The following SUGCT variants were observed in gnomAD, a reference collection of about 807,000 sequenced individuals.
SUGCT encodes succinyl-CoA:glutarate-CoA transferase, also known as succinyl-CoA:glutarate CoA-transferase.
In SUGCT, 41 loss-of-function variants were observed where a neutral mutation model predicts 55.0. The ratio of observed to expected loss-of-function variants is 0.74; its 90% confidence interval spans 0.58 to 0.97. The LOEUF (loss-of-function observed/expected upper bound fraction) is 0.97, where lower values mean the gene tolerates loss of function less well. Ranked by LOEUF, SUGCT falls within the 50% of genes least tolerant of loss-of-function variation. The pLI, the probability that SUGCT is intolerant of heterozygous loss-of-function variation, is 0.00. For missense variants in SUGCT, 568 were observed against 547.8 expected (o/e 1.04, Z -0.37); for synonymous variants, 187 against 200.4 (o/e 0.93, Z 0.56).
downstream of SUGCT, among the ~76,000 whole-genome samples, chr7:40,863,601 T>C (rs748098853): frequency 3.3e-5 from 5 of 152,262 alleles, no homozygotes; most frequent in South Asian, 2.1e-4. Context: ...TGACTCTCAA[T>C]TGGCAAAGGA....
chr7:40,768,381 C>T (rs1243755217), intron 13 of SUGCT, among the ~76,000 whole-genome samples: 2 of 152,078 alleles, frequency 1.3e-5, no homozygotes, highest in Non-Finnish European at 2.9e-5. Context: ...CTCAATGGCA[C>T]CATGGACTCT....
chr7:40,905,046 A>G, the SUGCT span, among the ~76,000 whole-genome samples: 1 of 152,194 alleles, frequency 6.6e-6, no homozygotes, highest in Non-Finnish European at 1.5e-5. Flanking sequence ...ATGGAGTGAG[A>G]TGTTCAATTC....
chr7:40,188,461 C>CCCAAA lies in SUGCT; in HGVS notation c.227-33_227-29dup, dbSNP rs764513898. The CCCAAA allele has an allele frequency of 8.3e-6, 11 of 1,329,698 alleles. No individual in the cohort carries two copies. The Admixed American group carries it at 1.1e-4, about 14-fold the overall frequency. 82.4% of individuals were successfully genotyped at this position (1,329,698 alleles called of 1,614,324 possible). A position where few individuals can be genotyped will look rare whatever the true frequency, so the allele number is the denominator to read the frequency against. ...AAAAAAAAAAAAAAAAAAAACAAAC[C>CCCAAA]CCAAAGATTAATAGCTCATGTTATT... On this transcript the variant is annotated intron_variant, in intron 3 of 13. Coordinates refer to ENST00000335693, the MANE Select transcript of SUGCT (RefSeq NM_001193313.2).
chr7:40,191,264 G>A lies in SUGCT; in HGVS notation c.363+1670G>A, dbSNP rs148252239. 2.7e-3 allele frequency among the ~76,000 whole-genome samples: 408 copies of A among 152,082 alleles called. 2 individuals carry two copies. The highest frequency in any genetic ancestry group is 9.4e-3 in the African/African-American group (389 of 41,502). ...ACTCCTAACCTCAGGTGATCCACCC[G>A]CCTCGGCCTCTCAAAGTGCTGGGAT... On this transcript the variant is annotated intron_variant, in intron 5 of 13. Transcript: ENST00000335693.
intron 12 of SUGCT, among the ~76,000 whole-genome samples, chr7:40,551,183 A>G (rs1795279817): frequency 6.6e-6 from 1 of 152,158 alleles, no homozygotes; most frequent in South Asian, 2.1e-4. Flanking sequence ...ATGGATTACA[A>G]ACTTCTTGTT....
intron 12 of SUGCT, among the ~76,000 whole-genome samples, chr7:40,690,555 GAT>G (rs1425345583): frequency 6.6e-6 from 1 of 151,866 alleles, no homozygotes; most frequent in East Asian, 1.9e-4. Flanking sequence ...GATATAGAGA[GAT>G]CAATTCATCC....
chr7:40,717,793 T>A (rs960131741), intron 12 of SUGCT, among the ~76,000 whole-genome samples: 6 of 152,082 alleles, frequency 3.9e-5, no homozygotes, highest in Non-Finnish European at 8.8e-5. Context: ...GGTTCCAGGA[T>A]TTTTTCTAAG....
chr7:40,644,025 G>A (rs551198262), intron 12 of SUGCT, among the ~76,000 whole-genome samples: 1 of 152,248 alleles, frequency 6.6e-6, no homozygotes, highest in African/African-American at 2.4e-5. Flanking sequence ...GTGCGGGAAG[G>A]TAGGAAGTCT....
intron 9 of SUGCT, among the ~76,000 whole-genome samples, chr7:40,365,354 A>G (rs1467944936): frequency 2.6e-5 from 4 of 151,868 alleles, no homozygotes; most frequent in African/African-American, 9.7e-5. Context: ...AACTGGCACA[A>G]GACAGGGATG....
At chr7:40,596,092 G>T (rs1797996454) in intron 12 of SUGCT, among the ~76,000 whole-genome samples, 1 of 152,104 alleles carries the variant, frequency 6.6e-6, no homozygotes, top group Admixed American at 6.6e-5. Context: ...TCAAACTAGA[G>T]AATCCCACAG....
chr7:41,007,578 C>T, the SUGCT span, among the ~76,000 whole-genome samples: 1 of 152,114 alleles, frequency 6.6e-6, no homozygotes, highest in Admixed American at 6.5e-5. Flanking sequence ...GACCTAGTCA[C>T]CAATGCCAGA....
At chr7:40,632,981 C>T (rs1187823565) in intron 12 of SUGCT, among the ~76,000 whole-genome samples, 4 of 152,176 alleles carry the variant, frequency 2.6e-5, no homozygotes, top group Non-Finnish European at 5.9e-5. Flanking sequence ...TCTTGAGCTT[C>T]TAGTGGTACC....
In SUGCT at chr7:40,274,665, C is replaced by A. The variant is rs773964757; in HGVS notation, c.720+9C>A. ...ACCTACTGTCATCCCAGGTAACAATCCAACTAACATTTCAGATAATGTTAT... is the reference window on the plus strand; with the variant it reads ...ACCTACTGTCATCCCAGGTAACAATACAACTAACATTTCAGATAATGTTAT... On this transcript the variant is annotated intron_variant, in intron 8 of 13. Transcript: ENST00000335693. 2 of 1,612,186 alleles carry A rather than the reference C, an allele frequency of 1.2e-6. No individual in the cohort carries two copies. The highest frequency in any genetic ancestry group is 1.3e-5 in the African/African-American group (1 of 74,886).
intron 13 of SUGCT, among the ~76,000 whole-genome samples, chr7:40,805,221 TCCAAC>T (rs558850160): frequency 5.9e-5 from 9 of 152,120 alleles, no homozygotes; most frequent in Non-Finnish European, 7.4e-5. Flanking sequence ...GGCACATGAA[TCCAAC>T]CATTGAGCTG....
chr7:40,859,222 GTAAAA>G (rs1794355998), intron 13 of SUGCT, among the ~76,000 whole-genome samples: 1 of 152,202 alleles, frequency 6.6e-6, no homozygotes, highest in Non-Finnish European at 1.5e-5. Context: ...GATAACAAAG[GTAAAA>G]TTAGTTGAAA....
At chr7:40,483,929 T>A (rs1207507802) in intron 11 of SUGCT, among the ~76,000 whole-genome samples, 2 of 152,144 alleles carry the variant, frequency 1.3e-5, no homozygotes, top group African/African-American at 4.8e-5. Flanking sequence ...CAGCTGAAAA[T>A]GTGTCTAGTT....
At chr7:40,761,381 A>G (rs1788524620) in intron 13 of SUGCT, among the ~76,000 whole-genome samples, 2 of 152,250 alleles carry the variant, frequency 1.3e-5, no homozygotes, top group African/African-American at 4.8e-5. Flanking sequence ...TGCAGAGGTC[A>G]TAGATAACAC....
chr7:40,359,253 G>A (rs1016059323), intron 9 of SUGCT, among the ~76,000 whole-genome samples: 1 of 152,158 alleles, frequency 6.6e-6, no homozygotes, highest in Non-Finnish European at 1.5e-5. Context: ...TGCCTAGGCT[G>A]GAGTGCAATA....
chr7:40,913,151 C>T, the SUGCT span, among the ~76,000 whole-genome samples: 4 of 151,902 alleles, frequency 2.6e-5, no homozygotes, highest in Non-Finnish European at 4.4e-5. Context: ...CCTGGGACTA[C>T]AGGCGTGTGC....
Sources: allele counts gnomAD v4.1 joint callset (sites outside exome capture counted in the v4.1 genomes callset), GRCh38; gene constraint gnomAD v4.1.1; transcripts MANE v1.5; gene names NCBI Gene and HGNC (gene_info 2026-07-23, HGNC 2026-07-21).